BRD10: variants seen among roughly 807,000 people sequenced by gnomAD.
The protein encoded by BRD10 is uncharacterized bromodomain-containing protein 10.
chr9:5,939,117 A>G, the BRD10 span, among the ~76,000 whole-genome samples: 8 of 152,144 alleles, frequency 5.3e-5, no homozygotes, highest in Admixed American at 1.3e-4. Context: ...TATTTTTTAC[A>G]GGTGTTAGAA....
chr9:5,990,714 G>A, the BRD10 span, among the ~76,000 whole-genome samples: 1 of 152,096 alleles, frequency 6.6e-6, no homozygotes, highest in Non-Finnish European at 1.5e-5. Flanking sequence ...AACATGTAAA[G>A]ATAAAAAAGA....
chr9:5,999,552 C>T, the BRD10 span, among the ~76,000 whole-genome samples: 3 of 152,004 alleles, frequency 2.0e-5, no homozygotes, highest in South Asian at 2.1e-4. Flanking sequence ...GCTTAAAATC[C>T]TTCATACAAC....
At chr9:5,956,511 A>G in the BRD10 span, among the ~76,000 whole-genome samples, 1 of 152,126 alleles carries the variant, frequency 6.6e-6, no homozygotes, top group African/African-American at 2.4e-5. Flanking sequence ...CAGTTTCTTC[A>G]TCTGTAAAAC....
At chr9:5,909,881 C>A in the BRD10 span, 1 of 152,320 alleles carries the variant, frequency 6.6e-6, no homozygotes, top group African/African-American at 2.4e-5. Flanking sequence ...GCTACATCAA[C>A]GTATCACCTA....
At chr9:5,896,840 A>G in the BRD10 span, among the ~76,000 whole-genome samples, 1 of 152,328 alleles carries the variant, frequency 6.6e-6, no homozygotes, top group East Asian at 1.9e-4. Context: ...CTGCTTAGAC[A>G]AGATCCTTCT....
At chr9:5,999,348 A>G in the BRD10 span, among the ~76,000 whole-genome samples, 2 of 152,116 alleles carry the variant, frequency 1.3e-5, no homozygotes, top group Non-Finnish European at 2.9e-5. Context: ...TGCTATATAT[A>G]AAACTAATTT....
chr9:5,955,939 G>A, the BRD10 span, among the ~76,000 whole-genome samples: 173 of 152,042 alleles, frequency 1.1e-3, 2 homozygotes, highest in African/African-American at 4.1e-3. Context: ...TGCTGAAGGG[G>A]GCTCATGAAT....
the BRD10 span, among the ~76,000 whole-genome samples, chr9:5,993,825 G>C: frequency 1.3e-5 from 2 of 152,074 alleles, no homozygotes; most frequent in African/African-American, 4.8e-5. Flanking sequence ...AGTGCACAAG[G>C]GTAGAAAATG....
At chr9:5,992,926 G>C in the BRD10 span, among the ~76,000 whole-genome samples, 68 of 38,676 alleles carry the variant, frequency 1.8e-3, no homozygotes, top group African/African-American at 2.6e-3. Flanking sequence ...TGCATTATGT[G>C]ATTTTTCTTT....
the BRD10 span, among the ~76,000 whole-genome samples, chr9:5,904,796 C>T: frequency 6.7e-5 from 9 of 134,606 alleles, no homozygotes; most frequent in Middle Eastern, 6.3e-3. Context: ...TTTTTTGAGA[C>T]GGAGTCTCAC....
the BRD10 span, among the ~76,000 whole-genome samples, chr9:5,944,155 A>G: frequency 6.6e-6 from 1 of 152,178 alleles, no homozygotes. Flanking sequence ...TCAGGTTTAA[A>G]GCCTTTCCCA....
chr9:5,884,465 C>T, the BRD10 span, among the ~76,000 whole-genome samples: 2 of 152,330 alleles, frequency 1.3e-5, no homozygotes, highest in African/African-American at 2.4e-5. Flanking sequence ...CTCACCAGAC[C>T]GGTCTGGGGC....
At chr9:6,004,619 C>T in the BRD10 span, among the ~76,000 whole-genome samples, 3 of 152,160 alleles carry the variant, frequency 2.0e-5, no homozygotes, top group African/African-American at 7.2e-5. Flanking sequence ...TTCCAGAAGT[C>T]AACGGAAAAT....
the BRD10 span, chr9:6,008,124 G>C: frequency 1.0e-6 from 1 of 983,554 alleles, no homozygotes; most frequent in Admixed American, 6.2e-5. Context: ...AGGCCCTGCC[G>C]GGTCGCCGCG....
chr9:5,886,953 C>T, the BRD10 span, among the ~76,000 whole-genome samples: 14 of 152,148 alleles, frequency 9.2e-5, no homozygotes, highest in East Asian at 7.7e-4. Flanking sequence ...AGGTCTCCCT[C>T]GTTGAGCTCA....
the BRD10 span, among the ~76,000 whole-genome samples, chr9:5,883,189 C>A: frequency 2.6e-5 from 4 of 152,176 alleles, no homozygotes; most frequent in African/African-American, 9.7e-5. Context: ...AAACCCTTGT[C>A]TTCCTTTACT....
chr9:5,988,504 C>A, the BRD10 span: 5 of 1,613,902 alleles, frequency 3.1e-6, no homozygotes, highest in Non-Finnish European at 2.5e-6. Flanking sequence ...TCCATAATAG[C>A]CTCTAGATGT....
At chr9:5,954,298 T>C in the BRD10 span, among the ~76,000 whole-genome samples, 1 of 152,180 alleles carries the variant, frequency 6.6e-6, no homozygotes, top group Admixed American at 6.5e-5. Context: ...TATTAACAAA[T>C]GCTGTTTTAT....
At chr9:5,890,884 G>A in the BRD10 span, 1 of 152,152 alleles carries the variant, frequency 6.6e-6, no homozygotes, top group Non-Finnish European at 1.5e-5. Context: ...AGCCAGAGAA[G>A]CAGTCTTCAT....
Sources: allele counts gnomAD v4.1 joint callset (sites outside exome capture counted in the v4.1 genomes callset), GRCh38; gene constraint gnomAD v4.1.1; transcripts MANE v1.5; gene names NCBI Gene and HGNC (gene_info 2026-07-23, HGNC 2026-07-21).